FLNB: variants seen among roughly 807,000 people sequenced by gnomAD.
FLNB encodes filamin B.
FLNB carries 111 observed loss-of-function variants against 250.6 expected under a neutral mutation model. The observed-to-expected ratio is 0.44, with a 90% CI of 0.38 to 0.52. FLNB has a LOEUF of 0.52. FLNB is among the 20% of genes least tolerant of loss of function. FLNB has a pLI of 0.00. For synonymous variants in FLNB, 1,302 were observed against 1,372.1 expected, an observed-to-expected ratio of 0.95 and a Z score of 1.13; for missense variants, 2,869 against 3,447.8, an observed-to-expected ratio of 0.83 and a Z score of 4.20.
At chr3:58,020,358 C>G (rs868186833) in intron 1 of FLNB, among the ~76,000 whole-genome samples, 2 of 152,196 alleles carry the variant, frequency 1.3e-5, no homozygotes, top group Non-Finnish European at 2.9e-5. Context: ...AAGCAGGCAG[C>G]TTTCCGCTCA....
chr3:58,083,257 T>C (rs866136055), intron 4 of FLNB, among the ~76,000 whole-genome samples: 1 of 136,742 alleles, frequency 7.3e-6, no homozygotes, highest in Admixed American at 7.2e-5. Context: ...TTTTTTTTTT[T>C]AAATGACACT....
At chr3:58,108,356 A>G in intron 12 of FLNB, 102 bp from the exon 13 acceptor site, 1 of 760,400 alleles carries the variant, frequency 1.3e-6, no homozygotes, top group Middle Eastern at 2.3e-4. Context: ...AACCAGACAC[A>G]GGTCATTTTG....
intron 1 of FLNB, among the ~76,000 whole-genome samples, chr3:58,065,167 T>A (rs1271611571): frequency 6.6e-6 from 1 of 152,212 alleles, no homozygotes; most frequent in Non-Finnish European, 1.5e-5. Context: ...ACGCTGCCTG[T>A]CCACCATGTT....
At chr3:58,069,686 G>A (rs566055033) in intron 1 of FLNB, among the ~76,000 whole-genome samples, 16 of 152,182 alleles carry the variant, frequency 1.1e-4, no homozygotes, top group East Asian at 7.7e-4. Context: ...TTTCTCAGAC[G>A]TGTCCTTCTT....
At chr3:58,066,255 C>T (rs554070163) in intron 1 of FLNB, among the ~76,000 whole-genome samples, 5 of 140,716 alleles carry the variant, frequency 3.6e-5, no homozygotes, top group South Asian at 4.4e-4. Flanking sequence ...GCTCTTGTTG[C>T]CCAGTGGCAA....
At chr3:58,025,055 C>CT (rs2097121310) in intron 1 of FLNB, among the ~76,000 whole-genome samples, 1 of 149,640 alleles carries the variant, frequency 6.7e-6, no homozygotes, top group Non-Finnish European at 1.5e-5. Flanking sequence ...TGCCCTCCCT[C>CT]ACCCTTTCTT....
intron 1 of FLNB, among the ~76,000 whole-genome samples, chr3:58,050,654 T>C (rs546408044): frequency 3.9e-5 from 6 of 152,196 alleles, no homozygotes; most frequent in Non-Finnish European, 5.9e-5. Context: ...TGGGAGGCAC[T>C]GAGCTTGATT....
intron 41 of FLNB, 36 bp from the exon 42 acceptor site, chr3:58,159,518 G>A (rs2097358211): frequency 8.7e-6 from 14 of 1,612,950 alleles, no homozygotes; most frequent in East Asian, 2.2e-5. Flanking sequence ...CAGGAACGCC[G>A]AGGGCCATAA....
intron 1 of FLNB, among the ~76,000 whole-genome samples, chr3:58,041,695 C>T (rs1356033227): frequency 6.6e-6 from 1 of 152,168 alleles, no homozygotes; most frequent in Non-Finnish European, 1.5e-5. Flanking sequence ...TAGCCTTGAC[C>T]CAGGGTAAAG....
At chr3:58,158,773 G>A (rs1328658138) in intron 41 of FLNB, among the ~76,000 whole-genome samples, 1 of 152,108 alleles carries the variant, frequency 6.6e-6, no homozygotes, top group Non-Finnish European at 1.5e-5. Flanking sequence ...ACTGATCCAG[G>A]GAAGAGCAAA....
At position 58,147,141 on chromosome 3, in the gene FLNB, A is replaced by G. The variant is rs547199739; in HGVS notation, c.5728+148A>G. ...CTTGTTGAGGAGGAGCAGGGGATGG[A>G]ATGCAATTTTGGATTAGCTAAATCC... On this transcript the variant is annotated intron_variant, in intron 34 of 45. Coordinates refer to ENST00000295956, the MANE Select transcript of FLNB (RefSeq NM_001457.4). 5.2e-6 allele frequency: 4 copies of G among 765,796 alleles called. No individual in the cohort carries two copies. In the African/African-American group the frequency reaches 5.3e-5, roughly 10 times the overall value. 47.4% of individuals were successfully genotyped at this position (765,796 alleles called of 1,614,324 possible). A position where few individuals can be genotyped will look rare whatever the true frequency, so the allele number is the denominator to read the frequency against.
chr3:58,064,793 G>T (rs1348744594), intron 1 of FLNB, among the ~76,000 whole-genome samples: 4 of 152,032 alleles, frequency 2.6e-5, no homozygotes, highest in African/African-American at 9.7e-5. Flanking sequence ...TGGGCAGATT[G>T]CTTGAGTTCA....
At position 58,078,759 on chromosome 3, in the gene FLNB, T is replaced by C; in HGVS notation, c.584T>C (p.Val195Ala). Reference protein sequence around the residue: ...DWESWDPQKPVDNAREAMQQA... With the variant: ...DWESWDPQKPADNAREAMQQA... Reference sequence around the variant, plus strand: ...GAATCCTGGGACCCGCAGAAGCCTGTGGATAATGCACGAGAAGCCATGCAG... The same window carrying C: ...GAATCCTGGGACCCGCAGAAGCCTGCGGATAATGCACGAGAAGCCATGCAG... Residue 195 changes from valine (V) to alanine (A), a missense_variant, in exon 3 of 46, where the codon GTG becomes GCG. Val to Ala is a moderately conservative substitution (Grantham distance 64). This residue lies in a region of FLNB where 308 missense variants were observed against 466.1 expected (regional missense o/e 0.66). Coordinates refer to ENST00000295956, the MANE Select transcript of FLNB (RefSeq NM_001457.4). The C allele has an allele frequency of 6.2e-7, 1 of 1,613,972 alleles. No individual in the cohort carries two copies. Among genetic ancestry groups the C allele is most frequent in the South Asian group, 1.1e-5 (1 of 91,000 alleles).
chr3:58,070,497 G>A (rs1467095677), intron 1 of FLNB, among the ~76,000 whole-genome samples: 1 of 152,160 alleles, frequency 6.6e-6, no homozygotes, highest in African/African-American at 2.4e-5. Context: ...TCCCGAGCCT[G>A]TGTTTGCAAC....
In FLNB at chr3:58,171,848, T is replaced by C. The variant is rs1459757911; in HGVS notation, c.*1086T>C. ...GGAGAGAAGGGCAGCAGCTTATTGG[T>C]GGTCTTTTCACCATTGGCAGAAACA... On this transcript the variant is annotated 3_prime_UTR_variant, in exon 46 of 46. Transcript: ENST00000295956. This position sits in a 1 kb window ranked among gnomAD's most constrained non-coding sequence, Gnocchi z 5.5. 6.6e-6 allele frequency: 1 copy of C among 152,520 alleles called. No individual in the cohort carries two copies. The highest frequency in any genetic ancestry group is 1.5e-5 in the Non-Finnish European group (1 of 68,282). The allele number at this position is 152,520 out of a possible 1,614,324, so 9.4% of individuals were successfully genotyped here.
At chr3:58,071,898 G>T (rs993765878) in intron 1 of FLNB, among the ~76,000 whole-genome samples, 1 of 152,196 alleles carries the variant, frequency 6.6e-6, no homozygotes, top group African/African-American at 2.4e-5. Flanking sequence ...GACCTCTGGG[G>T]AACTCATCCA....
In FLNB at chr3:58,159,865, G is replaced by A. The variant is rs138478216; in HGVS notation, c.7021+179G>A. Among the ~76,000 whole-genome samples the A allele has an allele frequency of 2.4e-4, 37 of 152,252 alleles. 1 individual carries two copies. The Middle Eastern group carries it at 0.014, about 56-fold the overall frequency. ...GGGTTTAAACATGTGCCAGGGATAG[G>A]GAGACCCTTTATGCTAGGAGAGAAT... On this transcript the variant is annotated intron_variant, in intron 42 of 45. Coordinates refer to ENST00000295956, the MANE Select transcript of FLNB (RefSeq NM_001457.4).
intron 11 of FLNB, among the ~76,000 whole-genome samples, chr3:58,105,433 T>TC: frequency 6.6e-6 from 1 of 152,344 alleles, no homozygotes; most frequent in African/African-American, 2.4e-5. Flanking sequence ...GCAGAAACCT[T>TC]ATGTGGGTAT....
Position 58,121,418 on chromosome 3 carries a change from A to G in FLNB, c.3041A>G (p.Tyr1014Cys). The change falls in exon 20 of 46, where the codon TAT (tyrosine) becomes TGT (cysteine). Residue 1014 changes from tyrosine (Y) to cysteine (C), a missense_variant. By Grantham distance (194) the Tyr-to-Cys change is radical. Transcript: ENST00000295956. The stretch of plus-strand genomic sequence containing the variant: ...TTCATCCCTCGGGAGGAGGGGCTGT[A>G]TGCTGTAGACGTGACCTACGATGGA... ...AKFIPREEGL[Y>C]AVDVTYDGHP... The G allele has an allele frequency of 1.9e-6, 3 of 1,614,136 alleles. No homozygotes were observed. Among genetic ancestry groups the G allele is most frequent in the African/African-American group, 1.3e-5 (1 of 75,036 alleles).
Sources: gnomAD v4.1 joint callset for allele counts (sites outside exome capture counted in the v4.1 genomes callset) on GRCh38, gnomAD v4.1.1 for gene constraint, gnomAD v4.1.1 regional missense constraint, Gnocchi (gnomAD v3.1) non-coding constraint, MANE v1.5 for transcripts, NCBI Gene and HGNC (gene_info 2026-07-23, HGNC 2026-07-21) for gene names.